Variants in IL1RAPL2 observed in about 807,000 individuals in gnomAD.
IL1RAPL2 encodes the protein X-linked interleukin-1 receptor accessory protein-like 2.
IL1RAPL2 carries 3 observed loss-of-function variants against 44.1 expected under a neutral mutation model. That is an observed-to-expected ratio of 0.07 (90% CI 0.03 to 0.18). IL1RAPL2 has a LOEUF of 0.18. Ranked by LOEUF, IL1RAPL2 falls within the 10% of genes least tolerant of loss-of-function variation. The probability of loss-of-function intolerance (pLI) is 1.00; values close to 1 mark genes in which losing one functional copy is unlikely to be tolerated. For missense variants in IL1RAPL2, 391 were observed against 496.4 expected, an observed-to-expected ratio of 0.79 and a Z score of 2.02; for synonymous variants, 181 against 178.8, an observed-to-expected ratio of 1.01 and a Z score of -0.10.
At position 105,484,323 on chromosome X, in the gene IL1RAPL2, A is replaced by T; in HGVS notation, c.708A>T (p.Thr236=). The T allele has an allele frequency of 8.3e-7, 1 of 1,202,823 alleles. No homozygotes were observed. Among genetic ancestry groups the T allele is most frequent in the Non-Finnish European group, 1.1e-6 (1 of 887,449 alleles). The change falls in exon 6 of 11, where the codon ACA becomes ACT. Residue 236 remains threonine (T), a synonymous_variant. Transcript: ENST00000372582. ...TTELKVTALL[T]DKPPKPLFPM... is the part of the protein sequence containing the mutation. The stretch of plus-strand genomic sequence containing the variant: ...CATTTTCTCTTCTAGCTTTACTCAC[A>T]GACAAGCCTCCCAAGCCATTGTTCC...
chrX:105,396,782 C>CT (rs1300187859), intron 5 of IL1RAPL2, among the ~76,000 whole-genome samples: 1 of 109,462 alleles, frequency 9.1e-6, no homozygotes, highest in African/African-American at 3.3e-5. Context: ...TTCAATGAGA[C>CT]TAATAGTGTT....
chrX:104,705,486 C>T (rs5917126), intron 2 of IL1RAPL2, among the ~76,000 whole-genome samples: 41,043 of 109,784 alleles, frequency 0.37, 5,935 homozygotes, highest in East Asian at 0.47. Flanking sequence ...TTTCTATTTC[C>T]AGGATATGAA....
intron 5 of IL1RAPL2, among the ~76,000 whole-genome samples, chrX:105,382,718 C>G (rs1422805758): frequency 9.9e-6 from 1 of 100,683 alleles, no homozygotes; most frequent in Non-Finnish European, 1.9e-5. Context: ...TTGGAACCAA[C>G]CCAAATGTCC....
intron 2 of IL1RAPL2, among the ~76,000 whole-genome samples, chrX:105,159,241 T>C (rs779624967): frequency 8.9e-6 from 1 of 112,365 alleles, no homozygotes; most frequent in Non-Finnish European, 1.9e-5. Context: ...GGAATATCAT[T>C]CTGTTTTCTA....
intron 6 of IL1RAPL2, among the ~76,000 whole-genome samples, chrX:105,663,674 A>C (rs1418533850): frequency 1.8e-5 from 2 of 111,736 alleles, no homozygotes; most frequent in Non-Finnish European, 3.8e-5. Context: ...TAAGCTTTGG[A>C]TAATACCATG....
intron 6 of IL1RAPL2, among the ~76,000 whole-genome samples, chrX:105,627,776 G>A (rs1311284782): frequency 2.7e-5 from 3 of 111,661 alleles, no homozygotes; most frequent in African/African-American, 9.8e-5. Flanking sequence ...TGACTTGGGT[G>A]TGAATAGGCC....
chrX:104,608,144 C>T (rs1020128589), intron 1 of IL1RAPL2, among the ~76,000 whole-genome samples: 3 of 110,854 alleles, frequency 2.7e-5, no homozygotes, highest in Admixed American at 9.6e-5. Context: ...AAACCAAACA[C>T]CACATGTTTT....
At chrX:105,532,368 C>T (rs2036643822) in intron 6 of IL1RAPL2, among the ~76,000 whole-genome samples, 1 of 111,666 alleles carries the variant, frequency 9.0e-6, no homozygotes, top group South Asian at 3.7e-4. Context: ...ATAGACAAAA[C>T]AGTTTTGGAA....
chrX:105,313,742 T>C (rs1174026407), intron 5 of IL1RAPL2, among the ~76,000 whole-genome samples: 1 of 111,875 alleles, frequency 8.9e-6, no homozygotes, highest in Non-Finnish European at 1.9e-5. Flanking sequence ...GTTTAGGACA[T>C]GTGAATGTAG....
intron 6 of IL1RAPL2, among the ~76,000 whole-genome samples, chrX:105,591,285 T>G (rs186051628): frequency 1.8e-5 from 2 of 109,814 alleles, no homozygotes; most frequent in African/African-American, 6.6e-5. Flanking sequence ...TTTCTGATTA[T>G]GTTTATTTGG....
intron 2 of IL1RAPL2, among the ~76,000 whole-genome samples, chrX:104,801,501 G>A (rs1170198773): frequency 1.8e-5 from 2 of 111,317 alleles, no homozygotes; most frequent in Non-Finnish European, 3.8e-5. Context: ...AAAAGGGCAA[G>A]TGGTACTCAT....
chrX:105,474,049 G>C (rs1008323710), intron 5 of IL1RAPL2, among the ~76,000 whole-genome samples: 3 of 111,623 alleles, frequency 2.7e-5, no homozygotes, highest in African/African-American at 9.8e-5. Flanking sequence ...AAGGTTGTAA[G>C]TAGAATTATG....
intron 6 of IL1RAPL2, among the ~76,000 whole-genome samples, chrX:105,645,778 A>T (rs1034461162): frequency 1.8e-5 from 2 of 111,759 alleles, no homozygotes; most frequent in Non-Finnish European, 3.8e-5. Context: ...AGCTAATATT[A>T]TGGTTGGCAT....
intron 5 of IL1RAPL2, among the ~76,000 whole-genome samples, chrX:105,387,051 T>G (rs913277734): frequency 4.5e-5 from 5 of 111,583 alleles, no homozygotes; most frequent in African/African-American, 1.6e-4. Context: ...TATATGTATA[T>G]GCACTTATGT....
intron 5 of IL1RAPL2, among the ~76,000 whole-genome samples, chrX:105,479,143 G>A (rs2036216664): frequency 9.0e-6 from 1 of 111,187 alleles, no homozygotes; most frequent in Admixed American, 9.7e-5. Context: ...AAAAAGAAAG[G>A]GGGAGGTCTT....
chrX:105,616,000 A>C, intron 6 of IL1RAPL2, among the ~76,000 whole-genome samples: 1 of 111,982 alleles, frequency 8.9e-6, no homozygotes, highest in East Asian at 2.8e-4. Context: ...AAGTGAAAAA[A>C]GCACATGAAA....
At chrX:104,655,904 G>T (rs1413789719) in intron 1 of IL1RAPL2, among the ~76,000 whole-genome samples, 1 of 111,217 alleles carries the variant, frequency 9.0e-6, no homozygotes, top group East Asian at 2.8e-4. Flanking sequence ...GTCTTTGGAG[G>T]GTGTATGTGT....
At position 105,179,987 on chromosome X, in the gene IL1RAPL2, C is replaced by G. The variant is rs782563755; in HGVS notation, c.83-15488C>G. Among the ~76,000 whole-genome samples, 6 of 107,604 alleles carry G rather than the reference C, an allele frequency of 5.6e-5. No individual in the cohort carries two copies. The South Asian group carries it at 2.4e-3, about 44-fold the overall frequency. The allele number at this position is 107,604 out of a possible 115,157, so 93.4% of individuals were successfully genotyped here. A position where few individuals can be genotyped will look rare whatever the true frequency, so the allele number is the denominator to read the frequency against. On this transcript the variant is annotated intron_variant, in intron 2 of 10. Transcript: ENST00000372582. ...TTTGGATGTCTTTTTTTTTTCTTCT[C>G]TTGCCTGATTGCTCTGGCTAGGACG...
At chrX:105,590,755 G>C (rs1261557283) in intron 6 of IL1RAPL2, among the ~76,000 whole-genome samples, 1 of 109,779 alleles carries the variant, frequency 9.1e-6, no homozygotes, top group Non-Finnish European at 1.9e-5. Context: ...ACTGGATTCA[G>C]TTTCCTTGTT....
Sources: gnomAD v4.1 joint callset for allele counts (sites outside exome capture counted in the v4.1 genomes callset) on GRCh38, gnomAD v4.1.1 for gene constraint, MANE v1.5 for transcripts, NCBI Gene and HGNC (gene_info 2026-07-23, HGNC 2026-07-21) for gene names.